Variants in ATP10D observed in about 807,000 individuals in gnomAD.
ATP10D encodes the protein phospholipid-transporting ATPase VD.
Under a neutral mutation model 144.8 loss-of-function variants are expected in ATP10D, and 89 were observed. That is an observed-to-expected ratio of 0.61 (90% CI 0.52 to 0.73). The LOEUF (loss-of-function observed/expected upper bound fraction) is 0.73, where lower values mean the gene tolerates loss of function less well. Ranked by LOEUF, ATP10D falls within the 30% of genes least tolerant of loss-of-function variation. ATP10D has a pLI of 0.00. For missense variants in ATP10D, 1,603 were observed against 1,714.8 expected, an observed-to-expected ratio of 0.93 and a Z score of 1.15; for synonymous variants, 571 against 615.1, an observed-to-expected ratio of 0.93 and a Z score of 1.06.
At chr4:47,572,749 A>G (rs1439660743) in intron 17 of ATP10D, 123 bp from the exon 18 acceptor site, 1 of 1,279,944 alleles carries the variant, frequency 7.8e-7, no homozygotes, top group African/African-American at 1.5e-5. Context: ...TCATTCATGT[A>G]TGGAACAAAT....
At position 47,562,343 on chromosome 4, in the gene ATP10D, G is replaced by T. The variant is rs1299098382; in HGVS notation, c.2669-1238G>T. 2.0e-5 allele frequency among the ~76,000 whole-genome samples: 3 copies of T among 152,202 alleles called. No homozygotes were observed. In the East Asian group the frequency reaches 5.8e-4, roughly 29 times the overall value. On this transcript the variant is annotated intron_variant, in intron 14 of 22. Coordinates refer to ENST00000273859, the MANE Select transcript of ATP10D (RefSeq NM_020453.4). Reference sequence around the variant, plus strand: ...CTGCAAATAGACATTGTATCTTACTGGCAGGAGCATTCTTTAAAAGCCTGC... The same window carrying T: ...CTGCAAATAGACATTGTATCTTACTTGCAGGAGCATTCTTTAAAAGCCTGC...
At chr4:47,525,858 G>T (rs1035258342) in intron 5 of ATP10D, among the ~76,000 whole-genome samples, 1 of 152,204 alleles carries the variant, frequency 6.6e-6, no homozygotes, top group East Asian at 1.9e-4. Context: ...GAGGTATCTT[G>T]TGGCATCCAT....
chr4:47,492,016 A>G (rs1250308919), intron 1 of ATP10D, among the ~76,000 whole-genome samples: 2 of 152,242 alleles, frequency 1.3e-5, no homozygotes, highest in Non-Finnish European at 2.9e-5. Flanking sequence ...CTTAGAAAAT[A>G]AACTCCTAGA....
intron 21 of ATP10D, 34 bp from the exon 22 acceptor site, chr4:47,586,985 A>C: frequency 1.3e-6 from 2 of 1,599,456 alleles, no homozygotes; most frequent in Non-Finnish European, 1.7e-6. Context: ...TCAGTGACAG[A>C]GCATTCATTT....
intron 2 of ATP10D, among the ~76,000 whole-genome samples, chr4:47,515,025 A>C (rs1269642200): frequency 6.6e-6 from 1 of 152,090 alleles, no homozygotes; most frequent in East Asian, 1.9e-4. Context: ...CAGTAGTGTG[A>C]TCCCGGCTCA....
intron 1 of ATP10D, among the ~76,000 whole-genome samples, chr4:47,486,951 C>T (rs1714791112): frequency 6.6e-6 from 1 of 152,088 alleles, no homozygotes; most frequent in South Asian, 2.1e-4. Flanking sequence ...TTGAATAGGG[C>T]CGGGCGCAGT....
Position 47,557,806 on chromosome 4 carries a change from T to C in ATP10D, c.1967T>C (p.Phe656Ser). The C allele has an allele frequency of 6.2e-7, 1 of 1,614,168 alleles. No homozygotes were observed. The highest frequency in any genetic ancestry group is 2.2e-5 in the East Asian group (1 of 44,890). The part of the protein sequence containing the change: ...KEPSSGVPNA[F>S]VSRLPLFSRM... ...CCATCTTCTGGAGTTCCAAACGCCT[T>C]TGTGAGCAGACTCCCTCTCTTTAGT... is the stretch of plus-strand genomic sequence containing the variant. Residue 656 changes from phenylalanine (F) to serine (S), a missense_variant, in exon 12 of 23, where the codon TTT (phenylalanine) becomes TCT (serine). Phe to Ser is a radical substitution (Grantham distance 155). Coordinates refer to ENST00000273859, the MANE Select transcript of ATP10D (RefSeq NM_020453.4).
Position 47,587,086 on chromosome 4 carries a change from G to A in ATP10D, c.3821G>A (p.Gly1274Glu), listed in dbSNP as rs1271318523. 3 of 1,613,996 alleles carry A rather than the reference G, an allele frequency of 1.9e-6. No individual in the cohort carries two copies. Among genetic ancestry groups the A allele is most frequent in the African/African-American group, 1.3e-5 (1 of 75,010 alleles). The change falls in exon 22 of 23, where the codon GGA (glycine) becomes GAA (glutamate). Residue 1274 changes from glycine to glutamate, a missense_variant. Physicochemically the swap from Gly to Glu is moderately conservative, Grantham distance 98. Transcript: ENST00000273859. ...TATTTTTTATTTGCCATAGTTTTTG[G>A]AGCCATGTGTGTAACTTGCAACCCA... ...LSYFLFAIVF[G>E]AMCVTCNPPS...
At chr4:47,499,759 C>T (rs1198030687) in intron 1 of ATP10D, among the ~76,000 whole-genome samples, 1 of 152,146 alleles carries the variant, frequency 6.6e-6, no homozygotes, top group African/African-American at 2.4e-5. Context: ...AAGGATAAAC[C>T]TTAAACTGTC....
intron 1 of ATP10D, among the ~76,000 whole-genome samples, chr4:47,500,859 A>G (rs901993064): frequency 6.6e-6 from 1 of 152,208 alleles, no homozygotes; most frequent in Non-Finnish European, 1.5e-5. Context: ...AAGAGGAGAA[A>G]GGAAAGGGTA....
At chr4:47,488,996 G>A (rs976551363) in intron 1 of ATP10D, among the ~76,000 whole-genome samples, 1 of 152,118 alleles carries the variant, frequency 6.6e-6, no homozygotes, top group Non-Finnish European at 1.5e-5. Context: ...TAGAACTTTA[G>A]GAAATAACTT....
At chr4:47,493,493 C>T (rs561170998) in intron 1 of ATP10D, among the ~76,000 whole-genome samples, 2 of 152,242 alleles carry the variant, frequency 1.3e-5, no homozygotes, top group South Asian at 4.1e-4. Context: ...CAACTGTATG[C>T]TAATATAAGT....
intron 5 of ATP10D, among the ~76,000 whole-genome samples, chr4:47,527,394 A>G (rs1442757253): frequency 6.6e-6 from 1 of 152,144 alleles, no homozygotes; most frequent in African/African-American, 2.4e-5. Context: ...GTATTATGCA[A>G]AGATTTCTTA....
chr4:47,540,018 C>T lies in ATP10D; in HGVS notation c.1396+3080C>T, dbSNP rs574276573. Among the ~76,000 whole-genome samples, 36 of 152,330 alleles carry T rather than the reference C, an allele frequency of 2.4e-4. No individual in the cohort carries two copies. In the South Asian group the frequency reaches 7.5e-3, roughly 32 times the overall value. The stretch of plus-strand genomic sequence containing the variant: ...GGAACCAAAGTTCTAGAGGTACTAA[C>T]TTTGCCTTTGACCACTTCTCTACCA... On this transcript the variant is annotated intron_variant, in intron 9 of 22. Coordinates refer to ENST00000273859, the MANE Select transcript of ATP10D (RefSeq NM_020453.4).
intron 1 of ATP10D, among the ~76,000 whole-genome samples, chr4:47,497,618 A>T (rs144284344): frequency 6.6e-6 from 1 of 152,228 alleles, no homozygotes; most frequent in African/African-American, 2.4e-5. Flanking sequence ...TCATACTAGT[A>T]TATAAAATTC....
intron 10 of ATP10D, among the ~76,000 whole-genome samples, chr4:47,548,527 C>T (rs1718558319): frequency 6.6e-6 from 1 of 152,166 alleles, no homozygotes; most frequent in Non-Finnish European, 1.5e-5. Context: ...CATCTTGAAT[C>T]AACATCTAGC....
intron 22 of ATP10D, among the ~76,000 whole-genome samples, chr4:47,590,208 T>A (rs1244428424): frequency 1.3e-5 from 2 of 151,382 alleles, no homozygotes; most frequent in Non-Finnish European, 2.9e-5. Flanking sequence ...GCAGAGGAGG[T>A]TTCTAAGCAA....
chr4:47,503,932 A>T (rs969635877), intron 1 of ATP10D, among the ~76,000 whole-genome samples: 25 of 151,976 alleles, frequency 1.6e-4, no homozygotes, highest in African/African-American at 6.0e-4. Context: ...AAATAAAATA[A>T]AATAAAATTA....
intron 9 of ATP10D, among the ~76,000 whole-genome samples, chr4:47,541,401 G>C (rs1718127715): frequency 6.6e-6 from 1 of 152,106 alleles, no homozygotes; most frequent in Admixed American, 6.5e-5. Context: ...TATTGGAGGT[G>C]GATTTTGCAC....
Sources: allele counts gnomAD v4.1 joint callset (sites outside exome capture counted in the v4.1 genomes callset), GRCh38; gene constraint gnomAD v4.1.1; transcripts MANE v1.5; gene names NCBI Gene and HGNC (gene_info 2026-07-23, HGNC 2026-07-21).